Variants in PER1 observed in about 807,000 individuals in gnomAD.
The protein encoded by PER1 is period circadian regulator 1.
PER1 carries 87 observed loss-of-function variants against 125.9 expected under a neutral mutation model. The observed-to-expected ratio is 0.69, with a 90% CI of 0.58 to 0.83. The LOEUF (loss-of-function observed/expected upper bound fraction) is 0.83, where lower values mean the gene tolerates loss of function less well. Among genes scored for constraint, PER1 ranks in the 40% least tolerant of loss-of-function variants. The probability of loss-of-function intolerance (pLI) is 0.00; values close to 1 mark genes in which losing one functional copy is unlikely to be tolerated. For synonymous variants in PER1, 801 were observed against 714.7 expected (o/e 1.12, Z -1.93); for missense variants, 1,775 against 1,722.8 (o/e 1.03, Z -0.54).
chr17:8,145,115 T>C, intron 17 of PER1, 122 bp from the exon 18 acceptor site: 1 of 1,085,208 alleles, frequency 9.2e-7, no homozygotes, highest in Non-Finnish European at 1.2e-6. Flanking sequence ...CAGCCAAGCC[T>C]GGTCTCCATG....
Position 8,144,848 on chromosome 17 carries a change from C to CA in PER1, c.2363_2364insT (p.Gln788HisfsTer64). The CA allele has an allele frequency of 6.3e-7, 1 of 1,587,320 alleles. No homozygotes were observed. The highest frequency in any genetic ancestry group is 8.6e-7 in the Non-Finnish European group (1 of 1,165,362). On this transcript the variant is annotated frameshift_variant, in exon 18 of 23. Coordinates refer to ENST00000317276, the MANE Select transcript of PER1 (RefSeq NM_002616.3). LOFTEE classifies it high-confidence loss of function. ...GGCTGAGGAAGGCTTGCTCTTCCTT[C>CA]TGTGTGTGCAGGGACAGCACGGCCT...
chr17:8,142,455 C>T lies in PER1; in HGVS notation c.3263G>A (p.Ser1088Asn), dbSNP rs757689443. 3.2e-6 allele frequency: 5 copies of T among 1,576,830 alleles called. No homozygotes were observed. Among genetic ancestry groups the T allele is most frequent in the Non-Finnish European group, 4.3e-6 (5 of 1,160,114 alleles). The change falls in exon 21 of 23, where the codon AGC (serine) becomes AAC (asparagine). Residue 1088 changes from serine (S) to asparagine (N), a missense_variant. By Grantham distance (46) the Ser-to-Asn change is conservative (BLOSUM62 1). Coordinates refer to ENST00000317276, the MANE Select transcript of PER1 (RefSeq NM_002616.3). ...TTTGCTTGTGTGGCTGCTCTGGCTG[C>T]TGCCTGTGAAGTGGGGGGCAGACCA... is the stretch of plus-strand genomic sequence containing the variant. ...GGSTSASITR[S>N]SQSSHTSKYF...
intron 14 of PER1, 60 bp downstream of exon 14, chr17:8,146,837 G>A: frequency 6.2e-7 from 1 of 1,606,160 alleles, no homozygotes; most frequent in Non-Finnish European, 8.5e-7. Flanking sequence ...ATGGGTTGGG[G>A]GTGAAGGTCA....
Position 8,147,299 on chromosome 17 carries a change from G to C in PER1, c.1580C>G (p.Ser527Cys). The C allele has an allele frequency of 6.2e-7, 1 of 1,613,446 alleles. No individual in the cohort carries two copies. Among genetic ancestry groups the C allele is most frequent in the African/African-American group, 1.3e-5 (1 of 74,994 alleles). Residue 527 changes from serine to cysteine, a missense_variant, in exon 13 of 23, where the codon TCC becomes TGC. By Grantham distance (112) the Ser-to-Cys change is moderately radical (BLOSUM62 -1). Coordinates refer to ENST00000317276, the MANE Select transcript of PER1 (RefSeq NM_002616.3). ...TGCATCACCCCCGTTGCTATCACTG[G>C]AGGACCCAGGGCTGTGGAGAGGGCC... ...SPGPLHSPGS[S>C]SDSNGGDAEG... is the part of the protein sequence containing the mutation.
In PER1 at chr17:8,148,278, G is replaced by T; in HGVS notation, c.1049-19C>A. The T allele has an allele frequency of 6.2e-7, 1 of 1,605,470 alleles. No individual in the cohort carries two copies. The highest frequency in any genetic ancestry group is 8.5e-7 in the Non-Finnish European group (1 of 1,172,436). Reference sequence around the variant, plus strand: ...CGGGGAGCTGAGGCACAGAGAGTGTGGTCACTGGGTTTCGTCCAGAATGCC... The same window carrying T: ...CGGGGAGCTGAGGCACAGAGAGTGTTGTCACTGGGTTTCGTCCAGAATGCC... On this transcript the variant is annotated intron_variant, in intron 8 of 22. Transcript: ENST00000317276.
Position 8,150,422 on chromosome 17 carries a change from C to T in PER1, c.275+10G>A. The T allele has an allele frequency of 6.2e-7, 1 of 1,605,252 alleles. No individual in the cohort carries two copies. Among genetic ancestry groups the T allele is most frequent in the South Asian group, 1.1e-5 (1 of 90,008 alleles). ...CCATTCCTAGACCCAACATACACAT[C>T]CATACACACCTCTTGCTGCTCTCAG... On this transcript the variant is annotated intron_variant, in intron 2 of 22. Transcript: ENST00000317276.
chr17:8,144,280 T>C, intron 18 of PER1: 3 of 396,878 alleles, frequency 7.6e-6, no homozygotes, highest in African/African-American at 2.1e-5. Flanking sequence ...TAGCTTGCAA[T>C]GGAGTGAAGA....
At chr17:8,148,344 T>C in intron 8 of PER1, 85 bp from the exon 9 acceptor site, 1 of 1,161,050 alleles carries the variant, frequency 8.6e-7, no homozygotes, top group Non-Finnish European at 1.3e-6. Flanking sequence ...CCAGGCTGGC[T>C]GATGATCTGC....
At position 8,150,634 on chromosome 17, in the gene PER1, C is replaced by T. The variant is rs568076119; in HGVS notation, c.73G>A (p.Val25Ile). Residue 25 changes from valine to isoleucine, a missense_variant, in exon 2 of 23, where the codon GTC (valine) becomes ATC (isoleucine). Val to Ile is a conservative substitution (Grantham distance 29). Transcript: ENST00000317276. Reference protein sequence around the residue: ...RPGESFCPGGVPSPGPPQHRP... With the variant: ...RPGESFCPGGIPSPGPPQHRP... ...TGCTGTGGGGGCCCAGGGGATGGGA[C>T]GCCCCCAGGACAAAATGATTCCCCA... is the stretch of plus-strand genomic sequence containing the variant. 3.7e-6 allele frequency: 6 copies of T among 1,611,126 alleles called. No homozygotes were observed. The highest frequency in any genetic ancestry group is 2.2e-5 in the East Asian group (1 of 44,878).
chr17:8,150,824 GA>G lies in PER1; in HGVS notation c.-119del. 1 of 977,850 alleles carries G rather than the reference GA, an allele frequency of 1.0e-6. No individual in the cohort carries two copies. The highest frequency in any genetic ancestry group is 1.5e-6 in the Non-Finnish European group (1 of 678,474). 60.6% of individuals were successfully genotyped at this position (977,850 alleles called of 1,614,324 possible). A position where few individuals can be genotyped will look rare whatever the true frequency, so the allele number is the denominator to read the frequency against. On this transcript the variant is annotated 5_prime_UTR_variant, in exon 2 of 23. Coordinates refer to ENST00000317276, the MANE Select transcript of PER1 (RefSeq NM_002616.3). ...GAAGATCTAAGTCTCTGAGGGTTGA[GA>G]AGTTCGATCACAGCCAGTACCTGGA...
chr17:8,144,102 GT>G, intron 18 of PER1: 1 of 617,032 alleles, frequency 1.6e-6, no homozygotes, highest in Non-Finnish European at 2.6e-6. Context: ...CCAGGGAGAG[GT>G]TACACGAGGG....
chr17:8,146,097 T>A lies in PER1; in HGVS notation c.2079A>T (p.Pro693=), dbSNP rs1567534341. 2 of 1,612,140 alleles carry A rather than the reference T, an allele frequency of 1.2e-6. No homozygotes were observed. Among genetic ancestry groups the A allele is most frequent in the Non-Finnish European group, 1.7e-6 (2 of 1,179,070 alleles). ...TGCCTCCCACCACTGGCTCCTTCCGTGGGGTGGCCCCCTCCCCAGACAGCG... is the reference window on the plus strand; with the variant it reads ...TGCCTCCCACCACTGGCTCCTTCCGAGGGGTGGCCCCCTCCCCAGACAGCG... The part of the protein sequence containing the change: ...SAALSGEGAT[P]RKEPVVGGTL... Residue 693 remains proline (P), a synonymous_variant, in exon 17 of 23, where the codon CCA becomes CCT. Coordinates refer to ENST00000317276, the MANE Select transcript of PER1 (RefSeq NM_002616.3).
In PER1 at chr17:8,151,198, G is replaced by A. The variant is rs73975804; in HGVS notation, c.-139-353C>T. 2.6e-3 allele frequency among the ~76,000 whole-genome samples: 396 copies of A among 152,318 alleles called. 3 individuals are homozygous for A. The highest frequency in any genetic ancestry group is 8.9e-3 in the African/African-American group (369 of 41,568). On this transcript the variant is annotated intron_variant, in intron 1 of 22. Coordinates refer to ENST00000317276, the MANE Select transcript of PER1 (RefSeq NM_002616.3). ...CCTCGGAGCAGGAGGTGAGCTGGTC[G>A]CCTCCTATATTTAGGCCTCCAGGCT...
rs138312505 is a variant in PER1, at chr17:8,150,028, G to A, written c.472C>T (p.Arg158Cys). 4.7e-5 allele frequency: 76 copies of A among 1,614,046 alleles called. No homozygotes were observed. The highest frequency in any genetic ancestry group is 1.6e-4 in the Middle Eastern group (1 of 6,084). The change falls in exon 4 of 23, where the codon CGC becomes TGC. Residue 158 changes from arginine to cysteine, a missense_variant. Physicochemically the swap from Arg to Cys is radical, Grantham distance 180. Coordinates refer to ENST00000317276, the MANE Select transcript of PER1 (RefSeq NM_002616.3). The stretch of plus-strand genomic sequence containing the variant: ...TGCAGCGTGGCCAGGGTCCCAGAGC[G>A]GCCCTTGCCCCGGCGCTCTGGCGGC... ...RLPPERRGKGRSGTLATLQYA... is the reference protein window; with the variant it reads ...RLPPERRGKGCSGTLATLQYA...
Position 8,150,613 on chromosome 17 carries a change from G to A in PER1, c.94C>T (p.Gln32Ter), listed in dbSNP as rs1385160908. The change falls in exon 2 of 23, where the codon CAG becomes TAG. Residue 32 changes from glutamine to a stop codon, truncating the protein, a stop_gained. Transcript: ENST00000317276. LOFTEE classifies it high-confidence loss of function. ...PGGVPSPGPP[Q>*]HRPCPGPSLA... is the part of the protein sequence containing the mutation. ...CTGGGGCCTGGGCAAGGCCGGTGCT[G>A]TGGGGGCCCAGGGGATGGGACGCCC... is the stretch of plus-strand genomic sequence containing the variant. 6.2e-7 allele frequency: 1 copy of A among 1,613,406 alleles called. No individual in the cohort carries two copies. Among genetic ancestry groups the A allele is most frequent in the Non-Finnish European group, 8.5e-7 (1 of 1,179,864 alleles).
chr17:8,148,398 G>A (rs1272644616), intron 8 of PER1, 139 bp from the exon 9 acceptor site: 6 of 829,946 alleles, frequency 7.2e-6, no homozygotes, highest in Non-Finnish European at 1.2e-5. Context: ...AGATGGTCTG[G>A]GCCAATCCTA....
chr17:8,144,214 C>G, intron 18 of PER1: 1 of 403,670 alleles, frequency 2.5e-6, no homozygotes, highest in Non-Finnish European at 4.4e-6. Flanking sequence ...CCGCCAAACT[C>G]CTGTGGGCAC....
In PER1 at chr17:8,147,308, G is replaced by C. The variant is rs1982515280; in HGVS notation, c.1571C>G (p.Pro524Arg). ...CCCGTTGCTATCACTGGAGGACCCAGGGCTGTGGAGAGGGCCTGGGGATGT... is the reference window on the plus strand; with the variant it reads ...CCCGTTGCTATCACTGGAGGACCCACGGCTGTGGAGAGGGCCTGGGGATGT... ...AVTSPGPLHSPGSSSDSNGGD... is the reference protein window; with the variant it reads ...AVTSPGPLHSRGSSSDSNGGD... The change falls in exon 13 of 23, where the codon CCT becomes CGT. Residue 524 changes from proline (P) to arginine (R), a missense_variant. Coordinates refer to ENST00000317276, the MANE Select transcript of PER1 (RefSeq NM_002616.3). The C allele has an allele frequency of 6.2e-7, 1 of 1,613,500 alleles. No individual in the cohort carries two copies. Among genetic ancestry groups the C allele is most frequent in the African/African-American group, 1.3e-5 (1 of 74,884 alleles).
In PER1 at chr17:8,140,759, C is replaced by A; in HGVS notation, c.*309G>T. 1 of 340,094 alleles carries A rather than the reference C, an allele frequency of 2.9e-6. No homozygotes were observed. The highest frequency in any genetic ancestry group is 5.5e-6 in the Non-Finnish European group (1 of 182,028). The allele number at this position is 340,094 out of a possible 1,614,324, so 21.1% of individuals were successfully genotyped here. ...CCAACCCTCAAGAGTCAGATTCAGG[C>A]TCAGCTGGAATATGGAGAGGCCACT... On this transcript the variant is annotated 3_prime_UTR_variant, in exon 23 of 23. Transcript: ENST00000317276.
Sources: allele counts gnomAD v4.1 joint callset (sites outside exome capture counted in the v4.1 genomes callset), GRCh38; gene constraint gnomAD v4.1.1; transcripts MANE v1.5; gene names NCBI Gene and HGNC (gene_info 2026-07-23, HGNC 2026-07-21).